The following RFX2 variants were observed in gnomAD, a reference collection of about 807,000 sequenced individuals.
RFX2 encodes the protein regulatory factor X2.
In RFX2, 20 loss-of-function variants were observed where a neutral mutation model predicts 87.8. The observed-to-expected ratio is 0.23, with a 90% CI of 0.16 to 0.33. RFX2 has a LOEUF of 0.33. Among genes scored for constraint, RFX2 ranks in the 10% least tolerant of loss-of-function variants. RFX2 has a pLI of 1.00. For synonymous variants in RFX2, 397 were observed against 431.3 expected (o/e 0.92, Z 0.98); for missense variants, 767 against 1,012.3 (o/e 0.76, Z 3.29).
chr19:6,060,484 C>A (rs995947287), intron 1 of RFX2, among the ~76,000 whole-genome samples: 1 of 152,198 alleles, frequency 6.6e-6, no homozygotes, highest in African/African-American at 2.4e-5. Flanking sequence ...TCACATCACA[C>A]CCATTTGAGG....
intron 5 of RFX2, among the ~76,000 whole-genome samples, chr19:6,028,832 C>T (rs537000246): frequency 7.2e-5 from 11 of 152,156 alleles, no homozygotes; most frequent in East Asian, 3.9e-4. Flanking sequence ...CCCAGCACTT[C>T]GGGAGGCTGA....
Position 6,016,244 on chromosome 19 carries a change from T to C in RFX2, c.625A>G (p.Thr209Ala). The change falls in exon 7 of 18, where the codon ACA becomes GCA. Residue 209 changes from threonine to alanine, a missense_variant. This residue lies in a region of RFX2 where 621 missense variants were observed against 873.0 expected (regional missense o/e 0.71). Coordinates refer to ENST00000303657, the MANE Select transcript of RFX2 (RefSeq NM_000635.4). The surrounding 1 kb of genome is among the most constrained non-coding windows in gnomAD (Gnocchi z 5.4). Reference sequence around the variant, plus strand: ...CTGGGGAGACTCACACCTTCCGCTGTTTCATAATTATCCAACAGCCACTGG... The same window carrying C: ...CTGGGGAGACTCACACCTTCCGCTGCTTCATAATTATCCAACAGCCACTGG... The part of the protein sequence containing the change: ...HLQWLLDNYE[T>A]AEGVSLPRSS... 2 of 1,608,774 alleles carry C rather than the reference T, an allele frequency of 1.2e-6. No individual in the cohort carries two copies. Among genetic ancestry groups the C allele is most frequent in the Non-Finnish European group, 1.7e-6 (2 of 1,177,340 alleles).
chr19:6,087,787 T>G (rs1325961724), intron 1 of RFX2, among the ~76,000 whole-genome samples: 1 of 152,218 alleles, frequency 6.6e-6, no homozygotes, highest in Admixed American at 6.5e-5. Flanking sequence ...TTTTGACAGC[T>G]AAACAGAAAT....
chr19:6,045,040 G>A lies in RFX2; in HGVS notation c.91-758C>T, dbSNP rs2087168392. Among the ~76,000 whole-genome samples, 1 of 152,220 alleles carries A rather than the reference G, an allele frequency of 6.6e-6. No individual in the cohort carries two copies. The highest frequency in any genetic ancestry group is 1.5e-5 in the Non-Finnish European group (1 of 68,048). ...GGAGTGTTTTGTGTGTTTATTGAGAGCTGGGGCTTTCGGAGTCATTGGCTG... is the reference window on the plus strand; with the variant it reads ...GGAGTGTTTTGTGTGTTTATTGAGAACTGGGGCTTTCGGAGTCATTGGCTG... On this transcript the variant is annotated intron_variant, in intron 2 of 17. Coordinates refer to ENST00000303657, the MANE Select transcript of RFX2 (RefSeq NM_000635.4). The surrounding 1 kb of genome is among the most constrained non-coding windows in gnomAD (Gnocchi z 5.2).
chr19:6,032,134 A>T (rs555591831), intron 5 of RFX2, among the ~76,000 whole-genome samples: 71 of 152,012 alleles, frequency 4.7e-4, no homozygotes, highest in South Asian at 1.7e-3. Flanking sequence ...TATTATTATT[A>T]TTTTTTGAGA....
chr19:6,054,378 T>C (rs2087303722), intron 1 of RFX2, among the ~76,000 whole-genome samples: 1 of 152,160 alleles, frequency 6.6e-6, no homozygotes, highest in African/African-American at 2.4e-5. Context: ...ACTTCACAAC[T>C]CATTTTATGA....
In RFX2 at chr19:6,007,137, G is replaced by C. The variant is rs1212042064; in HGVS notation, c.1277C>G (p.Pro426Arg). 18 of 1,613,950 alleles carry C rather than the reference G, an allele frequency of 1.1e-5. No homozygotes were observed. The South Asian group carries it at 1.8e-4, about 16-fold the overall frequency. ...ACACAGGGAGATAAGCTTGTCCTTGGGCAGGACGGCGCCCTCGGGGTCTTC... is the reference window on the plus strand; with the variant it reads ...ACACAGGGAGATAAGCTTGTCCTTGCGCAGGACGGCGCCCTCGGGGTCTTC... ...SDEDPEGAVLPKDKLISLCQC... is the reference protein window; with the variant it reads ...SDEDPEGAVLRKDKLISLCQC... Residue 426 changes from proline to arginine, a missense_variant, in exon 12 of 18, where the codon CCC becomes CGC. Around this residue, in one of 2 missense-constraint regions of RFX2, gnomAD observed 621 missense variants for 873.0 expected, o/e 0.71. Transcript: ENST00000303657. The surrounding 1 kb of genome is among the most constrained non-coding windows in gnomAD (Gnocchi z 8.2).
intron 1 of RFX2, among the ~76,000 whole-genome samples, chr19:6,052,892 T>A (rs1419070054): frequency 6.6e-6 from 1 of 152,110 alleles, no homozygotes; most frequent in African/African-American, 2.4e-5. Context: ...GGTACAAATA[T>A]TGTGGGTGAA....
chr19:6,006,460 ATTT>A (rs35404707), intron 12 of RFX2, among the ~76,000 whole-genome samples: 8 of 108,558 alleles, frequency 7.4e-5, no homozygotes, highest in Admixed American at 1.8e-4. Context: ...TGCCCAGCTC[ATTT>A]TTTTTTTTTT....
chr19:6,075,688 A>C (rs1293603108), intron 1 of RFX2, among the ~76,000 whole-genome samples: 2 of 152,184 alleles, frequency 1.3e-5, no homozygotes. Flanking sequence ...AGGTCGAATC[A>C]GGCACCCAGT....
chr19:6,055,334 C>G, intron 1 of RFX2, among the ~76,000 whole-genome samples: 1 of 152,192 alleles, frequency 6.6e-6, no homozygotes, highest in East Asian at 1.9e-4. Flanking sequence ...CCCAGAATTC[C>G]TCTTGTAGTT....
intron 1 of RFX2, among the ~76,000 whole-genome samples, chr19:6,093,992 G>T (rs891909588): frequency 2.6e-5 from 4 of 152,124 alleles, no homozygotes; most frequent in Admixed American, 2.6e-4. Flanking sequence ...TTGGGGTGAT[G>T]ACTCTGGAAT....
At chr19:6,049,725 A>G (rs903124469) in intron 1 of RFX2, among the ~76,000 whole-genome samples, 9 of 152,118 alleles carry the variant, frequency 5.9e-5, no homozygotes, top group African/African-American at 2.2e-4. Context: ...ACGGGGCTTC[A>G]CCATGTTGGT....
In RFX2 at chr19:6,024,799, TCACGG is replaced by T; in HGVS notation, c.597+1359_597+1363del. 9.3e-6 allele frequency among the ~76,000 whole-genome samples: 1 copy of T among 107,810 alleles called. No homozygotes were observed. Among genetic ancestry groups the T allele is most frequent in the South Asian group, 3.7e-4 (1 of 2,696 alleles). 70.7% of individuals were successfully genotyped at this position (107,810 alleles called of 152,430 possible). On this transcript the variant is annotated intron_variant, in intron 6 of 17. Coordinates refer to ENST00000303657, the MANE Select transcript of RFX2 (RefSeq NM_000635.4). The surrounding 1 kb of genome is among the most constrained non-coding windows in gnomAD (Gnocchi z 5.0). ...GGTGAGGACGGGAGTGAGGACGGGATCACGGTGAGGACGGGAGTGAGGACGGGATC... is the reference window on the plus strand; with the variant it reads ...GGTGAGGACGGGAGTGAGGACGGGATTGAGGACGGGAGTGAGGACGGGATC...
At chr19:6,032,293 TTTG>T (rs1306160110) in intron 5 of RFX2, among the ~76,000 whole-genome samples, 1 of 151,908 alleles carries the variant, frequency 6.6e-6, no homozygotes, top group Non-Finnish European at 1.5e-5. Flanking sequence ...AGCTAATTTT[TTTG>T]TTGTTGTTGT....
At chr19:6,019,585 G>GATAC (rs2086781387) in intron 6 of RFX2, among the ~76,000 whole-genome samples, 1 of 129,454 alleles carries the variant, frequency 7.7e-6, no homozygotes, top group African/African-American at 3.1e-5. Flanking sequence ...TAGAGACAGG[G>GATAC]ATATATATAT....
At position 6,044,522 on chromosome 19, in the gene RFX2, C is replaced by T. The variant is rs1262713990; in HGVS notation, c.91-240G>A. 6.6e-6 allele frequency among the ~76,000 whole-genome samples: 1 copy of T among 152,258 alleles called. No individual in the cohort carries two copies. The highest frequency in any genetic ancestry group is 1.5e-5 in the Non-Finnish European group (1 of 68,048). ...ACATACATACACAAGTGTGCACATA[C>T]ACTCAGCCCATGCACCACACATATG... On this transcript the variant is annotated intron_variant, in intron 2 of 17. Coordinates refer to ENST00000303657, the MANE Select transcript of RFX2 (RefSeq NM_000635.4). The surrounding 1 kb of genome is among the most constrained non-coding windows in gnomAD (Gnocchi z 5.3).
Position 5,994,728 on chromosome 19 carries a change from AT to A in RFX2, c.*106del. 2.1e-5 allele frequency: 15 copies of A among 718,652 alleles called. No individual in the cohort carries two copies. In the South Asian group the frequency reaches 2.1e-4, roughly 10 times the overall value. 44.5% of individuals were successfully genotyped at this position (718,652 alleles called of 1,614,324 possible). A position where few individuals can be genotyped will look rare whatever the true frequency, so the allele number is the denominator to read the frequency against. ...AGCCCCCGCTTGAGTCAAAGTAAAC[AT>A]CACATCATCTAAGAGGCACTAATTT... is the stretch of plus-strand genomic sequence containing the variant. On this transcript the variant is annotated 3_prime_UTR_variant, in exon 18 of 18. Transcript: ENST00000303657.
At chr19:6,099,435 G>C (rs1234275051) in intron 1 of RFX2, among the ~76,000 whole-genome samples, 2 of 152,092 alleles carry the variant, frequency 1.3e-5, no homozygotes, top group African/African-American at 4.8e-5. Flanking sequence ...AGTACATATT[G>C]AAAGAGCTGG....
Sources: gnomAD v4.1 joint callset for allele counts (sites outside exome capture counted in the v4.1 genomes callset) on GRCh38, gnomAD v4.1.1 for gene constraint, gnomAD v4.1.1 regional missense constraint, Gnocchi (gnomAD v3.1) non-coding constraint, MANE v1.5 for transcripts, NCBI Gene and HGNC (gene_info 2026-07-23, HGNC 2026-07-21) for gene names.